Variants in PAK3 observed in about 807,000 individuals in gnomAD.
PAK3 encodes serine/threonine-protein kinase PAK 3.
In PAK3, 4 loss-of-function variants were observed where a neutral mutation model predicts 41.0. That is an observed-to-expected ratio of 0.10 (90% confidence interval 0.05 to 0.22). The LOEUF is 0.22. Ranked by LOEUF, PAK3 falls within the 10% of genes least tolerant of loss-of-function variation. PAK3 has a pLI of 1.00. For missense variants in PAK3, 205 were observed against 409.9 expected (o/e 0.50, Z 4.32); for synonymous variants, 146 against 139.6 (o/e 1.05, Z -0.32).
intron 1 of PAK3, among the ~76,000 whole-genome samples, chrX:111,048,626 A>G (rs912738190): frequency 1.3e-4 from 14 of 111,051 alleles, no homozygotes; most frequent in Admixed American, 1.9e-4. Context: ...TCTTGATCCT[A>G]TTTTCTCCCA....
At chrX:111,079,350 A>G (rs1276503542) in intron 1 of PAK3, among the ~76,000 whole-genome samples, 1 of 112,051 alleles carries the variant, frequency 8.9e-6, no homozygotes, top group Non-Finnish European at 1.9e-5. Flanking sequence ...TTCATTTACC[A>G]TTCTGAAAAT....
At chrX:111,210,401 A>G (rs918811632) in intron 16 of PAK3, among the ~76,000 whole-genome samples, 1 of 111,038 alleles carries the variant, frequency 9.0e-6, no homozygotes, top group Non-Finnish European at 1.9e-5. Context: ...TGGTGATGAC[A>G]TCCCCTTACA....
chrX:111,165,117 A>G (rs752561049), intron 10 of PAK3, among the ~76,000 whole-genome samples: 21 of 111,942 alleles, frequency 1.9e-4, no homozygotes, highest in Non-Finnish European at 3.6e-4. Context: ...ACAGTAAAGT[A>G]TTATTCAGTC....
intron 5 of PAK3, among the ~76,000 whole-genome samples, chrX:111,126,513 C>A (rs189127846): frequency 1.8e-5 from 2 of 111,024 alleles, no homozygotes; most frequent in East Asian, 5.7e-4. Context: ...GAGCACTGGA[C>A]TTGGGTTCTT....
chrX:111,006,849 C>CTTTCTTTCTTTATTTCT (rs1556434441), intron 1 of PAK3, among the ~76,000 whole-genome samples: 1 of 42,726 alleles, frequency 2.3e-5, no homozygotes, highest in African/African-American at 7.5e-5. Flanking sequence ...TTCTTTCTTT[C>CTTTCTTTCTTTATTTCT]TTTTTTTTTT....
intron 1 of PAK3, among the ~76,000 whole-genome samples, chrX:111,011,687 T>C (rs1187477429): frequency 8.9e-6 from 1 of 112,531 alleles, no homozygotes; most frequent in Non-Finnish European, 1.9e-5. Context: ...GCTTCTGCAG[T>C]GTAAGCAGTA....
intron 1 of PAK3, among the ~76,000 whole-genome samples, chrX:111,018,785 A>G (rs2092128518): frequency 9.0e-6 from 1 of 111,706 alleles, no homozygotes; most frequent in African/African-American, 3.3e-5. Context: ...AGATGAGTGA[A>G]ACAATCATGA....
intron 11 of PAK3, among the ~76,000 whole-genome samples, chrX:111,176,992 A>C (rs1395577438): frequency 9.9e-6 from 1 of 100,642 alleles, no homozygotes; most frequent in Non-Finnish European, 2.0e-5. Context: ...CCCACCTCCC[A>C]CTTATATTAA....
At chrX:111,115,295 G>A (rs1397558577) in intron 4 of PAK3, among the ~76,000 whole-genome samples, 2 of 112,251 alleles carry the variant, frequency 1.8e-5, no homozygotes, top group Non-Finnish European at 3.8e-5. Flanking sequence ...TCATGAGTTC[G>A]TCCTTCAGAT....
At chrX:111,219,054 G>T (rs993092107) in intron 17 of PAK3, among the ~76,000 whole-genome samples, 16 of 108,818 alleles carry the variant, frequency 1.5e-4, no homozygotes, top group Non-Finnish European at 2.5e-4. Context: ...GCCAGGCATG[G>T]TGGCATGCGC....
rs2094934105 is a variant in PAK3, at chrX:111,222,682, C to T, written c.*2235C>T. ...AAAATCAGTACATTAGTGACTGTGT[C>T]CTGCCAGTGGAGAGAGCCCAATACC... On this transcript the variant is annotated 3_prime_UTR_variant, in exon 18 of 18. Coordinates refer to ENST00000372007, the MANE Select transcript of PAK3 (RefSeq NM_002578.5). 9.0e-6 allele frequency: 1 copy of T among 111,467 alleles called. No homozygotes were observed. Among genetic ancestry groups the T allele is most frequent in the Non-Finnish European group, 1.9e-5 (1 of 53,047 alleles). The allele number at this position is 111,467 out of a possible 1,213,427, so 9.2% of individuals were successfully genotyped here. A position where few individuals can be genotyped will look rare whatever the true frequency, so the allele number is the denominator to read the frequency against.
chrX:111,217,554 A>G, intron 17 of PAK3: 2 of 965,311 alleles, frequency 2.1e-6, no homozygotes, highest in Non-Finnish European at 2.7e-6. Context: ...CCTTCCAGAG[A>G]CAGAGCTGCA....
At chrX:111,200,669 C>T (rs1322826532) in intron 16 of PAK3, among the ~76,000 whole-genome samples, 4 of 112,002 alleles carry the variant, frequency 3.6e-5, no homozygotes, top group Non-Finnish European at 7.5e-5. Flanking sequence ...TGAAAGAACA[C>T]ATCGGACCTC....
chrX:111,046,751 G>A lies in PAK3; in HGVS notation c.-27-76326G>A, dbSNP rs138385769. On this transcript the variant is annotated intron_variant, in intron 1 of 14. Transcript: ENST00000425146. ...TAGTATGTGCAAAACATTCAGAATA[G>A]TACTAGCACATGATAAATGCTGCAT... Among the ~76,000 whole-genome samples the A allele has an allele frequency of 7.6e-3, 855 of 111,917 alleles. 12 individuals carry two copies. The highest frequency in any genetic ancestry group is 0.026 in the African/African-American group (813 of 30,806).
intron 1 of PAK3, among the ~76,000 whole-genome samples, chrX:110,948,829 T>C (rs949052486): frequency 7.1e-5 from 8 of 112,356 alleles, no homozygotes; most frequent in Admixed American, 2.8e-4. Context: ...CCACAAGAGA[T>C]AACTGTGTGA....
intron 1 of PAK3, among the ~76,000 whole-genome samples, chrX:110,990,125 C>T (rs963869447): frequency 4.5e-5 from 5 of 111,576 alleles, no homozygotes; most frequent in African/African-American, 1.6e-4. Flanking sequence ...GCTCAAAGTC[C>T]AGACAGCTGG....
At chrX:111,173,935 G>A (rs938344455) in intron 11 of PAK3, among the ~76,000 whole-genome samples, 1 of 111,191 alleles carries the variant, frequency 9.0e-6, no homozygotes, top group African/African-American at 3.3e-5. Context: ...CTTAAATGAG[G>A]AGTGAGACAC....
intron 1 of PAK3, among the ~76,000 whole-genome samples, chrX:111,071,530 G>A (rs760021250): frequency 3.0e-4 from 33 of 111,541 alleles, no homozygotes; most frequent in Admixed American, 1.4e-3. Flanking sequence ...CCTCCTCCTC[G>A]TCATCATCTC....
chrX:111,210,867 T>C (rs1310826168), intron 16 of PAK3, among the ~76,000 whole-genome samples: 2 of 111,769 alleles, frequency 1.8e-5, no homozygotes, highest in Admixed American at 9.5e-5. Flanking sequence ...AGGGTGACCA[T>C]AGAACTATCC....
Sources: allele counts gnomAD v4.1 joint callset (sites outside exome capture counted in the v4.1 genomes callset), GRCh38; gene constraint gnomAD v4.1.1; transcripts MANE v1.5; gene names NCBI Gene and HGNC (gene_info 2026-07-23, HGNC 2026-07-21).